The following PDS5A variants were observed in gnomAD, a reference collection of about 807,000 sequenced individuals.
The protein encoded by PDS5A is PDS5 cohesin associated factor A, also known as sister chromatid cohesion protein PDS5 homolog A.
Under a neutral mutation model 167.1 loss-of-function variants are expected in PDS5A, and 42 were observed. The ratio of observed to expected loss-of-function variants is 0.25; its 90% CI spans 0.20 to 0.33. The LOEUF (loss-of-function observed/expected upper bound fraction) is 0.33. Ranked by LOEUF, PDS5A falls within the 10% of genes least tolerant of loss-of-function variation. The pLI is 1.00. For missense variants in PDS5A, 1,033 were observed against 1,605.9 expected (o/e 0.64, Z 6.10); for synonymous variants, 553 against 554.6 (o/e 1.00, Z 0.04).
chr4:39,910,280 A>G lies in PDS5A; in HGVS notation c.1051T>C (p.Leu351=), dbSNP rs1395534561. 1 of 1,591,990 alleles carries G rather than the reference A, an allele frequency of 6.3e-7. No individual in the cohort carries two copies. The highest frequency in any genetic ancestry group is 1.3e-5 in the African/African-American group (1 of 74,620). The change falls in exon 10 of 33, where the codon TTA becomes CTA. Residue 351 remains leucine, a synonymous_variant. Transcript: ENST00000303538. ...TTCGCTAAATCTGGGTGATTCATTA[A>G]ACAATGACTGGCAAATTTCACACTT... is the stretch of plus-strand genomic sequence containing the variant. ...LESVKFASHC[L]MNHPDLAKDL...
At chr4:39,959,221 C>T (rs370897639) in intron 2 of PDS5A, among the ~76,000 whole-genome samples, 98 of 152,186 alleles carry the variant, frequency 6.4e-4, no homozygotes, top group Non-Finnish European at 1.3e-3. Flanking sequence ...GAACTAAATG[C>T]TGTTATTTAA....
At chr4:39,975,127 A>T (rs1730962271) in intron 2 of PDS5A, among the ~76,000 whole-genome samples, 1 of 150,906 alleles carries the variant, frequency 6.6e-6, no homozygotes, top group African/African-American at 2.4e-5. Flanking sequence ...AAAAAAAAAA[A>T]ATTTAGCCGG....
chr4:39,836,615 A>ATGTTTTTTTTTT (rs1716420884), intron 32 of PDS5A, among the ~76,000 whole-genome samples: 1 of 106,162 alleles, frequency 9.4e-6, no homozygotes, highest in East Asian at 2.8e-4. Flanking sequence ...ATTTTTTTCT[A>ATGTTTTTTTTTT]TTTTTTTTTT....
chr4:39,964,263 G>A (rs1729767896), intron 2 of PDS5A, among the ~76,000 whole-genome samples: 2 of 152,172 alleles, frequency 1.3e-5, no homozygotes. Context: ...AATATGGAAT[G>A]GAGGAAGCTT....
intron 32 of PDS5A, among the ~76,000 whole-genome samples, chr4:39,832,524 A>G (rs1716001187): frequency 6.6e-6 from 1 of 151,756 alleles, no homozygotes; most frequent in Non-Finnish European, 1.5e-5. Context: ...TTTTTTTTGC[A>G]CCAAAATAAA....
At position 39,848,985 on chromosome 4, in the gene PDS5A, G is replaced by A. The variant is rs376755541; in HGVS notation, c.3220-15C>T. ...GTATACAGTTTCTAGGGAGGAAAACGAATCATATATAACTTTTAGTATTGC... is the reference window on the plus strand; with the variant it reads ...GTATACAGTTTCTAGGGAGGAAAACAAATCATATATAACTTTTAGTATTGC... On this transcript the variant is annotated splice_polypyrimidine_tract_variant and intron_variant, in intron 27 of 32. Coordinates refer to ENST00000303538, the MANE Select transcript of PDS5A (RefSeq NM_001100399.2). The A allele has an allele frequency of 9.1e-6, 14 of 1,538,354 alleles. No homozygotes were observed. The East Asian group carries it at 1.1e-4, about 13-fold the overall frequency.
chr4:39,917,780 G>A (rs1485679653), intron 7 of PDS5A, among the ~76,000 whole-genome samples: 1 of 152,106 alleles, frequency 6.6e-6, no homozygotes, highest in East Asian at 1.9e-4. Flanking sequence ...TCACCGTGTT[G>A]GCCAGGCTGG....
rs1328386854 is a variant in PDS5A, at chr4:39,838,220, C to T, written c.3658-12G>A. The T allele has an allele frequency of 1.4e-6, 2 of 1,470,976 alleles. No individual in the cohort carries two copies. The highest frequency in any genetic ancestry group is 1.8e-6 in the Non-Finnish European group (2 of 1,095,290). The allele number at this position is 1,470,976 out of a possible 1,614,324, so 91.1% of individuals were successfully genotyped here. A position where few individuals can be genotyped will look rare whatever the true frequency, so the allele number is the denominator to read the frequency against. The stretch of plus-strand genomic sequence containing the variant: ...TCAGAATTAATTTCCTAAAAAAGCA[C>T]AAAACAATTCTATAAACACAAATTC... On this transcript the variant is annotated splice_polypyrimidine_tract_variant and intron_variant, in intron 31 of 32. Coordinates refer to ENST00000303538, the MANE Select transcript of PDS5A (RefSeq NM_001100399.2).
At chr4:39,954,536 G>T (rs1378101197) in intron 2 of PDS5A, among the ~76,000 whole-genome samples, 1 of 151,872 alleles carries the variant, frequency 6.6e-6, no homozygotes, top group East Asian at 1.9e-4. Context: ...GGCCAGGCTG[G>T]TCTTGAACTC....
At chr4:39,916,409 T>C (rs1185087036) in intron 8 of PDS5A, among the ~76,000 whole-genome samples, 9 of 152,188 alleles carry the variant, frequency 5.9e-5, no homozygotes, top group Non-Finnish European at 1.5e-5. Context: ...AGCAATACCA[T>C]ATGAGGATTA....
intron 17 of PDS5A, among the ~76,000 whole-genome samples, chr4:39,886,286 G>A (rs1454692657): frequency 2.0e-5 from 3 of 152,022 alleles, no homozygotes; most frequent in Non-Finnish European, 2.9e-5. Context: ...ATATTGCTTT[G>A]GCTATTTGAG....
chr4:39,911,242 G>C lies in PDS5A; in HGVS notation c.993-904C>G, dbSNP rs140209583. 3.3e-5 allele frequency among the ~76,000 whole-genome samples: 5 copies of C among 152,128 alleles called. No homozygotes were observed. In the East Asian group the frequency reaches 9.7e-4, roughly 30 times the overall value. ...GTTCAAAGATGAGTGCAGAAAATGT[G>C]TTACTAGCTCAGGCATGGTGGTGGG... is the stretch of plus-strand genomic sequence containing the variant. On this transcript the variant is annotated intron_variant, in intron 9 of 32. Transcript: ENST00000303538.
intron 16 of PDS5A, chr4:39,898,143 G>C (rs1722582794): frequency 3.3e-6 from 4 of 1,206,784 alleles, no homozygotes; most frequent in South Asian, 4.0e-5. Flanking sequence ...TAAGTTCAAA[G>C]TACTTTATCT....
chr4:39,934,479 T>C (rs1480330507), intron 2 of PDS5A, among the ~76,000 whole-genome samples: 2 of 152,196 alleles, frequency 1.3e-5, no homozygotes, highest in Non-Finnish European at 2.9e-5. Context: ...AATCTCTTCT[T>C]ACCTCATCTA....
intron 32 of PDS5A, among the ~76,000 whole-genome samples, chr4:39,829,819 T>C (rs934005508): frequency 2.0e-5 from 3 of 150,724 alleles, no homozygotes; most frequent in Admixed American, 6.6e-5. Flanking sequence ...GGCGTGGTGG[T>C]GGGTGCCTGT....
intron 21 of PDS5A, 91 bp downstream of exon 21, chr4:39,872,895 G>C: frequency 3.2e-6 from 2 of 631,464 alleles, no homozygotes; most frequent in Non-Finnish European, 4.9e-6. Flanking sequence ...AAAAGAAAAA[G>C]AGAATTACAC....
chr4:39,930,246 A>AAAAAAAAAAAAAATTTTTTT, intron 2 of PDS5A, among the ~76,000 whole-genome samples: 13 of 93,162 alleles, frequency 1.4e-4, no homozygotes, highest in East Asian at 9.8e-4. Flanking sequence ...AAAAAAAAAA[A>AAAAAAAAAAAAAATTTTTTT]GTTTTTTTGT....
intron 2 of PDS5A, chr4:39,974,074 C>T (rs1730841887): frequency 1.6e-5 from 8 of 513,188 alleles, no homozygotes; most frequent in South Asian, 6.4e-5. Flanking sequence ...TACAGTGAGC[C>T]GAGATCGCAC....
rs1417995219 is a variant in PDS5A at position 39,862,727 on chromosome 4, A to G, written c.2971+142T>C. 5 of 621,678 alleles carry G rather than the reference A, an allele frequency of 8.0e-6. No individual in the cohort carries two copies. In the South Asian group the frequency reaches 1.0e-4, roughly 12 times the overall value. The allele number at this position is 621,678 out of a possible 1,614,324, so 38.5% of individuals were successfully genotyped here. On this transcript the variant is annotated intron_variant, in intron 25 of 32. Transcript: ENST00000303538. ...ACTCAGGAGTTCAGTTTTTAAGTAC[A>G]TCATAACTACAATGACAGCATTCTA...
Sources: gnomAD v4.1 joint callset for allele counts (sites outside exome capture counted in the v4.1 genomes callset) on GRCh38, gnomAD v4.1.1 for gene constraint, MANE v1.5 for transcripts, NCBI Gene and HGNC (gene_info 2026-07-23, HGNC 2026-07-21) for gene names.